The following RBFOX1 variants were observed in gnomAD, a reference collection of about 807,000 sequenced individuals.
The protein encoded by RBFOX1 is RNA binding fox-1 homolog 1, also known as RNA binding protein fox-1 homolog 1.
In RBFOX1, 8 loss-of-function variants were observed where a neutral mutation model predicts 57.7. The ratio of observed to expected loss-of-function variants is 0.14; its 90% CI spans 0.08 to 0.25. The LOEUF (loss-of-function observed/expected upper bound fraction) is 0.25. Among genes scored for constraint, RBFOX1 ranks in the 10% least tolerant of loss-of-function variants. The pLI, the probability that RBFOX1 is intolerant of heterozygous loss-of-function variation, is 1.00. For synonymous variants in RBFOX1, 326 were observed against 222.4 expected (o/e 1.47, Z -4.15); for missense variants, 611 against 548.5 (o/e 1.11, Z -1.14).
intron 3 of RBFOX1, among the ~76,000 whole-genome samples, chr16:5,797,060 A>G (rs1173486597): frequency 6.6e-6 from 1 of 152,196 alleles, no homozygotes; most frequent in East Asian, 1.9e-4. Context: ...ATTAAATGGA[A>G]TTTTGTGATC....
intron 1 of RBFOX1, among the ~76,000 whole-genome samples, chr16:6,266,611 G>T (rs1188163896): frequency 6.6e-6 from 1 of 151,986 alleles, no homozygotes; most frequent in African/African-American, 2.4e-5. Flanking sequence ...CTACTCAGGG[G>T]GCTGAGGCAG....
chr16:6,006,615 T>C (rs920163514), intron 4 of RBFOX1, among the ~76,000 whole-genome samples: 1 of 152,196 alleles, frequency 6.6e-6, no homozygotes, highest in African/African-American at 2.4e-5. Context: ...CACCTGTGTG[T>C]CCATAAATCC....
At chr16:6,200,843 G>A (rs2097210132) in intron 1 of RBFOX1, among the ~76,000 whole-genome samples, 6 of 152,126 alleles carry the variant, frequency 3.9e-5, no homozygotes, top group Middle Eastern at 6.8e-3. Context: ...GTGAATTGAC[G>A]TAGCAGGTAA....
intron 4 of RBFOX1, among the ~76,000 whole-genome samples, chr16:7,071,587 ATGTG>A (rs60039723): frequency 0.097 from 14,387 of 147,898 alleles, 1,673 homozygotes; most frequent in African/African-American, 0.28. Flanking sequence ...TTGCCCAGAT[ATGTG>A]TGTGTGTGTG....
intron 3 of RBFOX1, among the ~76,000 whole-genome samples, chr16:5,737,556 C>T (rs1255328064): frequency 1.4e-5 from 2 of 140,092 alleles, no homozygotes; most frequent in Non-Finnish European, 1.5e-5. Flanking sequence ...TGTCCATGTA[C>T]TACAATTTTC....
rs138789055 is a variant in RBFOX1, at chr16:6,523,549, A to G, written c.-63-131054A>G. ...GCTAACTGGATGACTTTGGTACGCTACTTACCCTTTTTTGACCTTGCCTTT... is the reference window on the plus strand; with the variant it reads ...GCTAACTGGATGACTTTGGTACGCTGCTTACCCTTTTTTGACCTTGCCTTT... On this transcript the variant is annotated intron_variant, in intron 2 of 15. Transcript: ENST00000550418. Among the ~76,000 whole-genome samples, 133 of 152,282 alleles carry G rather than the reference A, an allele frequency of 8.7e-4. 1 individual carries two copies. The East Asian group carries it at 0.012, about 13-fold the overall frequency.
chr16:5,853,405 C>T (rs1241414843), intron 3 of RBFOX1, among the ~76,000 whole-genome samples: 1 of 152,164 alleles, frequency 6.6e-6, no homozygotes, highest in Non-Finnish European at 1.5e-5. Context: ...CTGGGCACGG[C>T]CTGACCTGCC....
intron 4 of RBFOX1, among the ~76,000 whole-genome samples, chr16:7,177,204 C>A (rs2081850312): frequency 1.3e-5 from 2 of 152,326 alleles, no homozygotes; most frequent in East Asian, 1.9e-4. Context: ...AGCGACAATA[C>A]AACCGCTTCC....
chr16:6,639,353 T>A (rs2098468625), intron 2 of RBFOX1, among the ~76,000 whole-genome samples: 1 of 152,072 alleles, frequency 6.6e-6, no homozygotes, highest in Non-Finnish European at 1.5e-5. Context: ...ACAAGAGCGG[T>A]TTAGTAGGTG....
At chr16:5,334,285 G>T (rs978529533) in intron 1 of RBFOX1, among the ~76,000 whole-genome samples, 1 of 152,230 alleles carries the variant, frequency 6.6e-6, no homozygotes, top group Admixed American at 6.5e-5. Context: ...TCTGGTCAGA[G>T]ATGTCATTTG....
At chr16:6,256,094 C>A (rs535186175) in intron 1 of RBFOX1, among the ~76,000 whole-genome samples, 1 of 144,242 alleles carries the variant, frequency 6.9e-6, no homozygotes, top group African/African-American at 2.6e-5. Flanking sequence ...AAAGTAGGAT[C>A]ATTTCCACAT....
intron 3 of RBFOX1, among the ~76,000 whole-genome samples, chr16:6,743,246 C>G (rs1426750786): frequency 1.3e-5 from 2 of 151,724 alleles, no homozygotes; most frequent in South Asian, 2.1e-4. Flanking sequence ...TATTGTGAAA[C>G]AAGACACAAA....
At chr16:5,301,647 A>G (rs2063810336) in intron 1 of RBFOX1, among the ~76,000 whole-genome samples, 1 of 151,296 alleles carries the variant, frequency 6.6e-6, no homozygotes. Context: ...AACACACAAA[A>G]ACAAAAAACT....
intron 3 of RBFOX1, among the ~76,000 whole-genome samples, chr16:6,945,930 C>A (rs79198214): frequency 6.6e-6 from 1 of 152,188 alleles, no homozygotes; most frequent in African/African-American, 2.4e-5. Flanking sequence ...CCCTAAGCCC[C>A]CAGGGGCGTT....
intron 4 of RBFOX1, among the ~76,000 whole-genome samples, chr16:5,915,737 C>T (rs558625921): frequency 2.0e-5 from 3 of 152,108 alleles, no homozygotes; most frequent in Admixed American, 6.5e-5. Context: ...GAGGCTGAGG[C>T]GCGAAAATTG....
rs12923047 is a variant in RBFOX1, at chr16:6,332,399, C to T, written c.-64+15342C>T. 3.5e-3 allele frequency among the ~76,000 whole-genome samples: 526 copies of T among 152,230 alleles called. 1 individual carries two copies. The highest frequency in any genetic ancestry group is 5.8e-3 in the Non-Finnish European group (393 of 68,014). ...CTCCGTGGAAGTCAAAATTTCAGAA[C>T]ATATGAATGCACAAACAGATATTAG... On this transcript the variant is annotated intron_variant, in intron 2 of 15. Coordinates refer to ENST00000550418, the MANE Select transcript of RBFOX1 (RefSeq NM_018723.4).
At chr16:7,368,107 A>C (rs1046718869) in intron 4 of RBFOX1, among the ~76,000 whole-genome samples, 1 of 152,028 alleles carries the variant, frequency 6.6e-6, no homozygotes, top group African/African-American at 2.4e-5. Context: ...TCTTTACTAA[A>C]AATACTAAAA....
chr16:7,209,393 A>G (rs1412317321), intron 4 of RBFOX1, among the ~76,000 whole-genome samples: 3 of 152,204 alleles, frequency 2.0e-5, no homozygotes, highest in Admixed American at 6.5e-5. Context: ...GTTAGATTAG[A>G]TTAGAGCCCA....
chr16:6,647,826 C>T (rs551478077), intron 2 of RBFOX1, among the ~76,000 whole-genome samples: 5 of 152,074 alleles, frequency 3.3e-5, no homozygotes, highest in Admixed American at 6.5e-5. Context: ...CCTTGACTGC[C>T]TAGGGATAAG....
Sources: gnomAD v4.1 joint callset for allele counts (sites outside exome capture counted in the v4.1 genomes callset) on GRCh38, gnomAD v4.1.1 for gene constraint, MANE v1.5 for transcripts, NCBI Gene and HGNC (gene_info 2026-07-23, HGNC 2026-07-21) for gene names.